Variants in PLPP1 observed in about 807,000 individuals in gnomAD.
PLPP1 encodes phospholipid phosphatase 1, also known as lipid phosphate phosphohydrolase 1a.
A neutral mutation model predicts 31.2 loss-of-function variants in PLPP1; 24 were observed. The observed-to-expected ratio is 0.77, with a 90% CI of 0.56 to 1.08. PLPP1 has a LOEUF of 1.08. Among genes scored for constraint, PLPP1 ranks in the 50% least tolerant of loss-of-function variants. PLPP1 has a pLI of 0.00. For missense variants in PLPP1, 319 were observed against 342.7 expected (o/e 0.93, Z 0.55); for synonymous variants, 146 against 126.3 (o/e 1.16, Z -1.05).
chr5:55,475,106 T>C (rs897407326), intron 2 of PLPP1, among the ~76,000 whole-genome samples, 193 bp downstream of exon 2: 4 of 152,168 alleles, frequency 2.6e-5, no homozygotes, highest in Non-Finnish European at 4.4e-5. Flanking sequence ...GCCTGGCTCT[T>C]ACAATTACAC....
At position 55,530,937 on chromosome 5, in the gene PLPP1, C is replaced by T. The variant is rs1029669663; in HGVS notation, c.58+3635G>A. Among the ~76,000 whole-genome samples, 3 of 151,520 alleles carry T rather than the reference C, an allele frequency of 2.0e-5. No homozygotes were observed. The East Asian group carries it at 5.8e-4, about 29-fold the overall frequency. ...AGCGGCCCCGATGGTGACATGGTGACAGCGGCAGCGGCCGAGGTGACGGTG... is the reference window on the plus strand; with the variant it reads ...AGCGGCCCCGATGGTGACATGGTGATAGCGGCAGCGGCCGAGGTGACGGTG... On this transcript the variant is annotated intron_variant, in intron 1 of 5. Coordinates refer to ENST00000307259, the MANE Select transcript of PLPP1 (RefSeq NM_003711.4).
intron 1 of PLPP1, among the ~76,000 whole-genome samples, chr5:55,509,147 G>C (rs7707271): frequency 6.6e-6 from 1 of 152,104 alleles, no homozygotes; most frequent in Non-Finnish European, 1.5e-5. Context: ...CAGCATGAAG[G>C]TTTTCAATTT....
intron 1 of PLPP1, among the ~76,000 whole-genome samples, chr5:55,496,267 C>T (rs1753002206): frequency 6.6e-6 from 1 of 152,208 alleles, no homozygotes; most frequent in African/African-American, 2.4e-5. Flanking sequence ...GACAGATACA[C>T]TTTTTCCTTA....
intron 1 of PLPP1, among the ~76,000 whole-genome samples, chr5:55,524,498 T>C (rs1753739256): frequency 6.6e-6 from 1 of 152,066 alleles, no homozygotes; most frequent in Admixed American, 6.6e-5. Context: ...GGATGTATAA[T>C]TAAGGTCATT....
intron 4 of PLPP1, among the ~76,000 whole-genome samples, chr5:55,432,857 A>G (rs1401341905): frequency 1.3e-5 from 2 of 151,970 alleles, no homozygotes; most frequent in African/African-American, 4.8e-5. Flanking sequence ...ATAACTCAAC[A>G]TGATAAATGT....
chr5:55,498,142 G>T (rs936445105), intron 1 of PLPP1, among the ~76,000 whole-genome samples: 2 of 152,044 alleles, frequency 1.3e-5, no homozygotes, highest in African/African-American at 4.8e-5. Flanking sequence ...TCTATATTAA[G>T]ACTACATATT....
rs572017328 is a variant in PLPP1, at chr5:55,489,427, A to G, written c.59-13977T>C. ...CAGTTTCTCCTAAGCTGAATAACTAAAATTTAAGTAACCAGTTATGGTGGG... is the reference window on the plus strand; with the variant it reads ...CAGTTTCTCCTAAGCTGAATAACTAGAATTTAAGTAACCAGTTATGGTGGG... On this transcript the variant is annotated intron_variant, in intron 1 of 5. Coordinates refer to ENST00000307259, the MANE Select transcript of PLPP1 (RefSeq NM_003711.4). Among the ~76,000 whole-genome samples the G allele has an allele frequency of 1.1e-3, 170 of 152,340 alleles. 1 individual carries two copies. Among genetic ancestry groups the G allele is most frequent in the Non-Finnish European group, 1.8e-3 (124 of 68,038 alleles).
intron 1 of PLPP1, among the ~76,000 whole-genome samples, chr5:55,518,934 T>A (rs1561255481): frequency 6.6e-6 from 1 of 152,160 alleles, no homozygotes; most frequent in Non-Finnish European, 1.5e-5. Flanking sequence ...AAGACCAGAA[T>A]CTGACTTCCA....
chr5:55,459,863 C>G (rs1752112843), intron 3 of PLPP1, among the ~76,000 whole-genome samples: 1 of 152,182 alleles, frequency 6.6e-6, no homozygotes, highest in South Asian at 2.1e-4. Context: ...TCTTCCTCCT[C>G]CTCAGCCTAC....
intron 3 of PLPP1, among the ~76,000 whole-genome samples, chr5:55,443,855 T>C (rs528342171): frequency 8.1e-5 from 7 of 86,474 alleles, no homozygotes; most frequent in South Asian, 5.4e-4. Context: ...TCTTTATCCA[T>C]AGTAATTTAA....
At chr5:55,441,757 G>A in intron 4 of PLPP1, 94 bp downstream of exon 4, 3 of 1,313,930 alleles carry the variant, frequency 2.3e-6, no homozygotes, top group Non-Finnish European at 2.2e-6. Context: ...TTTTGCTACT[G>A]GCTAATTTAT....
chr5:55,455,232 A>G (rs960191672), intron 3 of PLPP1, among the ~76,000 whole-genome samples: 27 of 152,212 alleles, frequency 1.8e-4, no homozygotes, highest in Non-Finnish European at 1.3e-4. Flanking sequence ...AAGCCAGAAA[A>G]AAAGAAAAAA....
At chr5:55,523,556 A>T (rs1365795217) in intron 1 of PLPP1, among the ~76,000 whole-genome samples, 2 of 152,174 alleles carry the variant, frequency 1.3e-5, no homozygotes, top group Non-Finnish European at 2.9e-5. Flanking sequence ...CCAAGCTCCT[A>T]AGAGAGTTGT....
intron 1 of PLPP1, among the ~76,000 whole-genome samples, chr5:55,534,122 T>C (rs1329220227): frequency 6.6e-6 from 1 of 152,142 alleles, no homozygotes; most frequent in Non-Finnish European, 1.5e-5. Context: ...TTCTAGCCTT[T>C]TATAGCCGAA....
intron 4 of PLPP1, among the ~76,000 whole-genome samples, chr5:55,431,023 G>A (rs1229984343): frequency 1.3e-5 from 2 of 152,138 alleles, no homozygotes; most frequent in African/African-American, 4.8e-5. Flanking sequence ...TTTGAACCCA[G>A]ACAAAAATAA....
At chr5:55,446,990 C>T (rs750876339) in intron 3 of PLPP1, among the ~76,000 whole-genome samples, 12 of 152,156 alleles carry the variant, frequency 7.9e-5, no homozygotes, top group Non-Finnish European at 1.6e-4. Context: ...CACTAACTGA[C>T]GCAGGCCTCA....
At chr5:55,460,303 G>A (rs1752126439) in intron 3 of PLPP1, among the ~76,000 whole-genome samples, 1 of 151,950 alleles carries the variant, frequency 6.6e-6, no homozygotes, top group African/African-American at 2.4e-5. Context: ...GCAGGCAGGA[G>A]AAAGTAAATA....
chr5:55,460,738 T>C (rs1468891908), intron 3 of PLPP1, among the ~76,000 whole-genome samples: 1 of 152,032 alleles, frequency 6.6e-6, no homozygotes, highest in African/African-American at 2.4e-5. Flanking sequence ...CCCAGCTAAG[T>C]AGGAGCCTCA....
chr5:55,526,277 AAAGG>A (rs796716622), intron 1 of PLPP1, among the ~76,000 whole-genome samples: 3 of 152,350 alleles, frequency 2.0e-5, no homozygotes, highest in African/African-American at 7.2e-5. Flanking sequence ...AAGAGAATAT[AAAGG>A]AAGAATTTAC....
Sources: allele counts gnomAD v4.1 joint callset (sites outside exome capture counted in the v4.1 genomes callset), GRCh38; gene constraint gnomAD v4.1.1; transcripts MANE v1.5; gene names NCBI Gene and HGNC (gene_info 2026-07-23, HGNC 2026-07-21).